The following CNTN4 variants were observed in gnomAD, a reference collection of about 807,000 sequenced individuals.
CNTN4 encodes the protein contactin 4, also known as contactin-4.
In CNTN4, 77 loss-of-function variants were observed where a neutral mutation model predicts 122.5. That is an observed-to-expected ratio of 0.63 (90% CI 0.52 to 0.76). The LOEUF is 0.76. Ranked by LOEUF, CNTN4 falls within the 30% of genes least tolerant of loss-of-function variation. The pLI is 0.00. For missense variants in CNTN4, 1,256 were observed against 1,259.1 expected, an observed-to-expected ratio of 1.00 and a Z score of 0.04; for synonymous variants, 512 against 447.0, an observed-to-expected ratio of 1.15 and a Z score of -1.83.
At chr3:2,771,600 T>C (rs2091103791) in intron 6 of CNTN4, among the ~76,000 whole-genome samples, 2 of 152,192 alleles carry the variant, frequency 1.3e-5, no homozygotes, top group African/African-American at 2.4e-5. Flanking sequence ...TATGTTGACA[T>C]ATTTTCTTCC....
chr3:2,920,235 A>G (rs2094414639), intron 12 of CNTN4, among the ~76,000 whole-genome samples: 1 of 150,786 alleles, frequency 6.6e-6, no homozygotes, highest in South Asian at 2.1e-4. Context: ...TGTATCTAAA[A>G]CATTCTCAGA....
intron 3 of CNTN4, among the ~76,000 whole-genome samples, chr3:2,355,085 C>T (rs1431292077): frequency 6.6e-6 from 1 of 152,168 alleles, no homozygotes; most frequent in African/African-American, 2.4e-5. Flanking sequence ...GCTGTGAATG[C>T]CCCCAAGCTA....
chr3:2,855,600 G>T (rs1032071767), intron 7 of CNTN4, among the ~76,000 whole-genome samples: 2 of 152,216 alleles, frequency 1.3e-5, no homozygotes, highest in Non-Finnish European at 2.9e-5. Flanking sequence ...CTTGTGCATA[G>T]AGATGTCTTA....
chr3:2,652,054 T>C (rs1044290141), intron 4 of CNTN4, among the ~76,000 whole-genome samples: 7 of 151,346 alleles, frequency 4.6e-5, no homozygotes, highest in Non-Finnish European at 1.0e-4. Flanking sequence ...GGTATGGCGG[T>C]TCATGCATCC....
chr3:2,827,676 C>T (rs2093015234), intron 7 of CNTN4, among the ~76,000 whole-genome samples: 1 of 152,254 alleles, frequency 6.6e-6, no homozygotes, highest in African/African-American at 2.4e-5. Flanking sequence ...AAAGACTTTA[C>T]AGTTAAGGTA....
chr3:2,162,069 T>C (rs1439550457), intron 2 of CNTN4, among the ~76,000 whole-genome samples: 1 of 152,206 alleles, frequency 6.6e-6, no homozygotes, highest in African/African-American at 2.4e-5. Context: ...TTTATTCTTT[T>C]TCAATGAGAA....
intron 12 of CNTN4, among the ~76,000 whole-genome samples, chr3:2,903,802 G>T (rs528300538): frequency 2.1e-4 from 32 of 151,970 alleles, no homozygotes; most frequent in African/African-American, 7.7e-4. Context: ...TCCCCGTGAC[G>T]TCAAGGATCA....
At chr3:2,107,649 A>G (rs2032563076) in intron 2 of CNTN4, among the ~76,000 whole-genome samples, 1 of 152,180 alleles carries the variant, frequency 6.6e-6, no homozygotes, top group Admixed American at 6.5e-5. Context: ...GTGATTTTGC[A>G]GCTCTTCAGA....
chr3:2,380,612 C>G (rs2150758648), intron 3 of CNTN4, among the ~76,000 whole-genome samples: 1 of 152,142 alleles, frequency 6.6e-6, no homozygotes, highest in East Asian at 1.9e-4. Context: ...ACAAAATGAT[C>G]AGTTTACCCA....
intron 6 of CNTN4, among the ~76,000 whole-genome samples, chr3:2,783,636 A>C (rs547337978): frequency 2.6e-5 from 4 of 152,344 alleles, no homozygotes; most frequent in East Asian, 3.9e-4. Flanking sequence ...AGTAATTGAA[A>C]CTAACAGTAT....
chr3:2,724,651 G>T (rs1401625288), intron 4 of CNTN4, among the ~76,000 whole-genome samples: 3 of 152,182 alleles, frequency 2.0e-5, no homozygotes, highest in Admixed American at 6.5e-5. Flanking sequence ...AAAGGCTCAT[G>T]AATATTAGTT....
chr3:2,293,745 A>G (rs2150014551), intron 2 of CNTN4, among the ~76,000 whole-genome samples: 1 of 152,352 alleles, frequency 6.6e-6, no homozygotes, highest in African/African-American at 2.4e-5. Context: ...TTGATAGAAT[A>G]TTAATTTTAA....
At chr3:2,678,921 A>G (rs58745645) in intron 4 of CNTN4, among the ~76,000 whole-genome samples, 55,958 of 151,830 alleles carry the variant, frequency 0.37, 10,856 homozygotes, top group South Asian at 0.53. Context: ...ATCAAGGGGT[A>G]AAAGTACAGC....
intron 17 of CNTN4, among the ~76,000 whole-genome samples, chr3:3,036,609 A>AG (rs11435829): frequency 2.8e-5 from 1 of 35,104 alleles, no homozygotes; most frequent in Non-Finnish European, 7.2e-5. Flanking sequence ...CTAAAAATAC[A>AG]AAAAAAAAAT....
chr3:2,258,979 T>C (rs1206008552), intron 2 of CNTN4, among the ~76,000 whole-genome samples: 5 of 152,194 alleles, frequency 3.3e-5, no homozygotes, highest in African/African-American at 4.8e-5. Flanking sequence ...TTGTTTCTTA[T>C]AACCTTATAA....
At chr3:2,935,222 T>A (rs1382872630) in intron 13 of CNTN4, among the ~76,000 whole-genome samples, 1 of 152,202 alleles carries the variant, frequency 6.6e-6, no homozygotes, top group African/African-American at 2.4e-5. Context: ...GCTCTAGTCA[T>A]GTGGCATAGT....
chr3:2,203,883 G>A (rs1162036277), intron 2 of CNTN4, among the ~76,000 whole-genome samples: 1 of 152,044 alleles, frequency 6.6e-6, no homozygotes, highest in African/African-American at 2.4e-5. Context: ...TTATACAGAT[G>A]AGAAATCTGA....
intron 2 of CNTN4, among the ~76,000 whole-genome samples, chr3:2,172,358 G>A (rs2149248594): frequency 6.6e-6 from 1 of 152,232 alleles, no homozygotes. Context: ...CTATGAGGAT[G>A]CAAAGGCATA....
chr3:2,420,644 C>T (rs1273943832), intron 3 of CNTN4, among the ~76,000 whole-genome samples: 1 of 152,026 alleles, frequency 6.6e-6, no homozygotes, highest in Admixed American at 6.6e-5. Flanking sequence ...CCATGTTGGC[C>T]AGACTGGTCT....
Sources: allele counts gnomAD v4.1 joint callset (sites outside exome capture counted in the v4.1 genomes callset), GRCh38; gene constraint gnomAD v4.1.1; transcripts MANE v1.5; gene names NCBI Gene and HGNC (gene_info 2026-07-23, HGNC 2026-07-21).